The following AMBRA1 variants were observed in gnomAD, a reference collection of about 807,000 sequenced individuals.
The protein encoded by AMBRA1 is activating molecule in BECN1-regulated autophagy protein 1.
Under a neutral mutation model 125.4 loss-of-function variants are expected in AMBRA1, and 47 were observed. The observed-to-expected ratio is 0.37, with a 90% CI of 0.30 to 0.48. The LOEUF is 0.48. AMBRA1 is among the 20% of genes least tolerant of loss of function. The pLI is 0.99. For missense variants in AMBRA1, 1,331 were observed against 1,693.4 expected (o/e 0.79, Z 3.76); for synonymous variants, 626 against 655.5 (o/e 0.95, Z 0.69).
intron 14 of AMBRA1, among the ~76,000 whole-genome samples, chr11:46,423,360 A>C (rs1276708750): frequency 1.3e-5 from 2 of 152,092 alleles, no homozygotes; most frequent in African/African-American, 2.4e-5. Context: ...AATTCACAAA[A>C]TGTTGATGTA....
intron 1 of AMBRA1, among the ~76,000 whole-genome samples, chr11:46,582,098 G>A (rs1565322611): frequency 1.4e-5 from 2 of 145,414 alleles, no homozygotes; most frequent in Non-Finnish European, 3.0e-5. Context: ...CTGGGGAACA[G>A]AGACCCTGTC....
At position 46,541,935 on chromosome 11, in the gene AMBRA1, G is replaced by A. The variant is rs374736699; in HGVS notation, c.2072+10C>T. 444 of 1,599,396 alleles carry A rather than the reference G, an allele frequency of 2.8e-4. No individual in the cohort carries two copies. The highest frequency in any genetic ancestry group is 3.5e-4 in the Non-Finnish European group (416 of 1,176,564). On this transcript the variant is annotated intron_variant, in intron 7 of 17. Coordinates refer to ENST00000683756, the MANE Select transcript of AMBRA1 (RefSeq NM_001387011.1). Reference sequence around the variant, plus strand: ...CAAGGGATGCAGAAGATAGGAAAGCGACTGCTTACCTCCTGAGTGAATCCT... The same window carrying A: ...CAAGGGATGCAGAAGATAGGAAAGCAACTGCTTACCTCCTGAGTGAATCCT...
chr11:46,471,735 C>A (rs906182053), intron 11 of AMBRA1, among the ~76,000 whole-genome samples: 1 of 151,706 alleles, frequency 6.6e-6, no homozygotes, highest in Admixed American at 6.6e-5. Context: ...TCAAGCAATT[C>A]CCCTGCCTCA....
chr11:46,401,057 T>C lies in AMBRA1; in HGVS notation c.3404-3114A>G, dbSNP rs1222947055. ...CCTACGGCCTTGGTGCCCACAGAGA[T>C]TCTACCCTGGGAGCCAAGGGCTGCC... On this transcript the variant is annotated intron_variant, in intron 17 of 17. Coordinates refer to ENST00000683756, the MANE Select transcript of AMBRA1 (RefSeq NM_001387011.1). Among the ~76,000 whole-genome samples the C allele has an allele frequency of 2.0e-5, 3 of 151,996 alleles. No homozygotes were observed. In the East Asian group the frequency reaches 5.8e-4, roughly 29 times the overall value.
At chr11:46,483,264 C>T (rs1280784755) in intron 11 of AMBRA1, among the ~76,000 whole-genome samples, 1 of 152,142 alleles carries the variant, frequency 6.6e-6, no homozygotes, top group Non-Finnish European at 1.5e-5. Flanking sequence ...CACTCAACAG[C>T]TACCCAAAAG....
intron 14 of AMBRA1, among the ~76,000 whole-genome samples, chr11:46,421,313 G>A (rs762021243): frequency 3.3e-5 from 5 of 152,226 alleles, no homozygotes; most frequent in Non-Finnish European, 7.3e-5. Flanking sequence ...CTTAAACAGT[G>A]CCGAAAGGGC....
At chr11:46,503,022 C>T (rs2135015109) in intron 9 of AMBRA1, among the ~76,000 whole-genome samples, 1 of 135,644 alleles carries the variant, frequency 7.4e-6, no homozygotes, top group South Asian at 2.3e-4. Flanking sequence ...GATTGTGCCG[C>T]TGCACTCCAG....
chr11:46,513,921 A>G (rs1009092488), intron 7 of AMBRA1, among the ~76,000 whole-genome samples: 1 of 151,874 alleles, frequency 6.6e-6, no homozygotes, highest in African/African-American at 2.4e-5. Context: ...GCCAGTCAGA[A>G]CACGTATAAT....
At chr11:46,525,715 C>T (rs970317288) in intron 7 of AMBRA1, among the ~76,000 whole-genome samples, 2 of 151,864 alleles carry the variant, frequency 1.3e-5, no homozygotes, top group Non-Finnish European at 2.9e-5. Context: ...CGTGCCACTG[C>T]ACTCCAGCCT....
intron 1 of AMBRA1, among the ~76,000 whole-genome samples, chr11:46,592,997 G>A (rs2044661723): frequency 6.6e-6 from 1 of 152,072 alleles, no homozygotes; most frequent in African/African-American, 2.4e-5. Context: ...TAGACAACAA[G>A]GTTATCAGGA....
In AMBRA1 at chr11:46,397,607, G is replaced by A. The variant is rs200914758; in HGVS notation, c.3740C>T (p.Thr1247Ile). Residue 1247 changes from threonine (T) to isoleucine (I), a missense_variant, in exon 18 of 18, where the codon ACC becomes ATC. Transcript: ENST00000683756. ...GTPGREPTQP[T>I]LPSSSPVPIP... ...GGGGACAGGGGAGGAAGAGGGCAGG[G>A]TTGGCTGGGTTGGCTCCCGCCCAGG... The A allele has an allele frequency of 4.3e-6, 7 of 1,609,378 alleles. No individual in the cohort carries two copies. Among genetic ancestry groups the A allele is most frequent in the East Asian group, 4.5e-5 (2 of 44,800 alleles).
intron 11 of AMBRA1, among the ~76,000 whole-genome samples, chr11:46,464,177 G>T (rs1184738525): frequency 1.3e-5 from 2 of 152,184 alleles, no homozygotes; most frequent in Non-Finnish European, 2.9e-5. Flanking sequence ...AGGTGCCAGA[G>T]AATCAGCACT....
At chr11:46,469,911 C>T (rs1330549024) in intron 11 of AMBRA1, among the ~76,000 whole-genome samples, 7 of 150,540 alleles carry the variant, frequency 4.6e-5, no homozygotes, top group Non-Finnish European at 8.8e-5. Flanking sequence ...CTCCTGGCCT[C>T]GGGCAATCCT....
chr11:46,550,869 G>A (rs1437223054), intron 1 of AMBRA1, among the ~76,000 whole-genome samples: 1 of 150,158 alleles, frequency 6.7e-6, no homozygotes, highest in Non-Finnish European at 1.5e-5. Context: ...GGCGGATCGC[G>A]AGGTCAGGAG....
At chr11:46,503,821 G>A (rs998225891) in intron 9 of AMBRA1, among the ~76,000 whole-genome samples, 5 of 152,178 alleles carry the variant, frequency 3.3e-5, no homozygotes, top group East Asian at 1.9e-4. Context: ...AGTACAGCCC[G>A]TGTGTCAAAA....
At chr11:46,464,012 G>A (rs1949216161) in intron 11 of AMBRA1, among the ~76,000 whole-genome samples, 1 of 152,226 alleles carries the variant, frequency 6.6e-6, no homozygotes, top group South Asian at 2.1e-4. Context: ...TTCACTCTAG[G>A]AAATGCCTAG....
intron 11 of AMBRA1, among the ~76,000 whole-genome samples, chr11:46,476,978 G>A (rs1949839800): frequency 1.3e-5 from 2 of 151,960 alleles, no homozygotes; most frequent in East Asian, 1.9e-4. Flanking sequence ...GCATGGTGGC[G>A]CACGCCTGTA....
chr11:46,542,586 C>T lies in AMBRA1; in HGVS notation c.1431G>A (p.Leu477=). 1 of 1,613,776 alleles carries T rather than the reference C, an allele frequency of 6.2e-7. No homozygotes were observed. The highest frequency in any genetic ancestry group is 1.1e-5 in the South Asian group (1 of 91,082). Residue 477 remains leucine (L), a synonymous_variant, in exon 7 of 18, where the codon TTG becomes TTA. Transcript: ENST00000683756. This position sits in a 1 kb window ranked among gnomAD's most constrained non-coding sequence, Gnocchi z 5.9. Reference sequence around the variant, plus strand: ...CATTCCCTCCATCTGACTCAGTTGCCAACCCTGATGCCGGAAAACCCCTCC... The same window carrying T: ...CATTCCCTCCATCTGACTCAGTTGCTAACCCTGATGCCGGAAAACCCCTCC... ...TEGRGFPASG[L]ATESDGGNGS...
chr11:46,586,710 T>C (rs917687382), intron 1 of AMBRA1, among the ~76,000 whole-genome samples: 1 of 152,212 alleles, frequency 6.6e-6, no homozygotes, highest in Non-Finnish European at 1.5e-5. Flanking sequence ...ACTAATTTAG[T>C]TCTTACAACA....
Sources: allele counts gnomAD v4.1 joint callset (sites outside exome capture counted in the v4.1 genomes callset), GRCh38; gene constraint gnomAD v4.1.1; non-coding constraint Gnocchi (gnomAD v3.1); transcripts MANE v1.5; gene names NCBI Gene and HGNC (gene_info 2026-07-23, HGNC 2026-07-21).